Variants in CCDC171 observed in about 807,000 individuals in gnomAD.
The protein encoded by CCDC171 is coiled-coil domain containing 171.
In CCDC171, 177 loss-of-function variants were observed where a neutral mutation model predicts 168.2. The ratio of observed to expected loss-of-function variants is 1.05; its 90% CI spans 0.93 to 1.19. The LOEUF is 1.19. CCDC171 is among the 50% of genes most tolerant of loss of function. The probability of loss-of-function intolerance (pLI) is 0.00; values close to 1 mark genes in which losing one functional copy is unlikely to be tolerated. For missense variants in CCDC171, 1,991 were observed against 1,539.0 expected (o/e 1.29, Z -4.91); for synonymous variants, 687 against 540.8 (o/e 1.27, Z -3.75).
At chr9:15,908,333 T>G (rs1330601372) in intron 24 of CCDC171, among the ~76,000 whole-genome samples, 1 of 152,028 alleles carries the variant, frequency 6.6e-6, no homozygotes, top group African/African-American at 2.4e-5. Context: ...CCATAAAAAA[T>G]GATGAGTTCA....
rs146347372 is a variant in CCDC171, at chr9:15,750,974, G to C, written c.2671+5343G>C. On this transcript the variant is annotated intron_variant, in intron 18 of 25. Transcript: ENST00000380701. ...AAAGGGTATTCAGTTAGGAAAAGAG[G>C]AAATCAAATGGTCTCTGTTGGCAGG... is the stretch of plus-strand genomic sequence containing the variant. Among the ~76,000 whole-genome samples, 644 of 152,258 alleles carry C rather than the reference G, an allele frequency of 4.2e-3. 1 individual carries two copies. The highest frequency in any genetic ancestry group is 7.1e-3 in the Non-Finnish European group (483 of 68,012).
the CCDC171 span, among the ~76,000 whole-genome samples, chr9:16,098,278 A>G: frequency 6.6e-6 from 1 of 152,208 alleles, no homozygotes; most frequent in Non-Finnish European, 1.5e-5. Flanking sequence ...TCAAGCATGA[A>G]CATGTGCTTT....
At chr9:15,725,011 C>T in intron 14 of CCDC171, 35 bp downstream of exon 14, 2 of 1,474,074 alleles carry the variant, frequency 1.4e-6, no homozygotes, top group South Asian at 1.1e-5. Flanking sequence ...TCAGGAAGGG[C>T]CTTTCACTAA....
intron 6 of CCDC171, among the ~76,000 whole-genome samples, chr9:15,606,971 C>A (rs931977393): frequency 1.1e-4 from 17 of 152,096 alleles, no homozygotes; most frequent in African/African-American, 4.1e-4. Flanking sequence ...TGTTCTGTAA[C>A]AAAAATTTTA....
At chr9:16,000,693 T>C (rs1416658030) in intron 3 of CCDC171, among the ~76,000 whole-genome samples, 1 of 151,638 alleles carries the variant, frequency 6.6e-6, no homozygotes, top group Non-Finnish European at 1.5e-5. Flanking sequence ...ACCAAACCAC[T>C]CTGGAAATTT....
chr9:15,870,792 C>CT (rs59845671), intron 23 of CCDC171, among the ~76,000 whole-genome samples: 110,546 of 147,554 alleles, frequency 0.75, 42,799 homozygotes, highest in East Asian at 0.86. Flanking sequence ...GCAGAAATAG[C>CT]TTTTTTTTTT....
At chr9:15,936,471 G>C (rs919432379) in intron 25 of CCDC171, among the ~76,000 whole-genome samples, 1 of 151,938 alleles carries the variant, frequency 6.6e-6, no homozygotes, top group African/African-American at 2.4e-5. Context: ...TCTTGGCAGA[G>C]ACCCTTCATC....
intron 2 of CCDC171, among the ~76,000 whole-genome samples, chr9:15,570,122 A>C (rs1161681893): frequency 1.3e-5 from 2 of 152,026 alleles, no homozygotes; most frequent in Non-Finnish European, 2.9e-5. Context: ...AGCATGAGCC[A>C]CCACATCCAG....
At chr9:15,836,120 T>C (rs2060437367) in intron 21 of CCDC171, among the ~76,000 whole-genome samples, 1 of 152,188 alleles carries the variant, frequency 6.6e-6, no homozygotes, top group African/African-American at 2.4e-5. Context: ...TCCTGATGAC[T>C]TCATAGTTAT....
the CCDC171 span, among the ~76,000 whole-genome samples, chr9:16,100,893 C>T: frequency 1.3e-5 from 2 of 152,204 alleles, no homozygotes; most frequent in Non-Finnish European, 2.9e-5. Context: ...CACCCAAGCT[C>T]TCCTCTCCGA....
chr9:15,677,294 G>A (rs537895036), intron 9 of CCDC171, among the ~76,000 whole-genome samples: 5 of 151,992 alleles, frequency 3.3e-5, no homozygotes, highest in African/African-American at 9.7e-5. Context: ...CCTTTTACAC[G>A]TGTTTATTTT....
intron 4 of CCDC171, among the ~76,000 whole-genome samples, chr9:15,585,116 C>A (rs538072162): frequency 1.3e-5 from 2 of 152,232 alleles, no homozygotes; most frequent in Admixed American, 6.5e-5. Flanking sequence ...GGATATAGAG[C>A]AACAGGGACT....
chr9:15,599,414 G>C (rs975824005), intron 6 of CCDC171, among the ~76,000 whole-genome samples: 1 of 152,086 alleles, frequency 6.6e-6, no homozygotes, highest in Non-Finnish European at 1.5e-5. Flanking sequence ...ATGAAGCTTA[G>C]TTTGGCTGGA....
chr9:15,978,075 A>AGCTTTGGAACG (rs1205947479), downstream of CCDC171, among the ~76,000 whole-genome samples: 1 of 152,146 alleles, frequency 6.6e-6, no homozygotes, highest in Non-Finnish European at 1.5e-5. Context: ...GCACATGGAA[A>AGCTTTGGAACG]GCTTTGGAAC....
In CCDC171 at chr9:15,723,701, T is replaced by A; in HGVS notation, c.1446T>A (p.Leu482=). The change falls in exon 13 of 26, where the codon CTT becomes CTA. Residue 482 remains leucine (L), a synonymous_variant. Coordinates refer to ENST00000380701, the MANE Select transcript of CCDC171 (RefSeq NM_173550.4). ...ASNEEKACNE[L]DSTKQKIDSH... The stretch of plus-strand genomic sequence containing the variant: ...TTAAGGAAAAGGCATGTAATGAACT[T>A]GATTCTACGAAACAGAAGATAGACT... 1 of 1,592,958 alleles carries A rather than the reference T, an allele frequency of 6.3e-7. No homozygotes were observed. Among genetic ancestry groups the A allele is most frequent in the Non-Finnish European group, 8.6e-7 (1 of 1,166,902 alleles).
At chr9:15,901,212 C>A (rs1821603009) in intron 24 of CCDC171, among the ~76,000 whole-genome samples, 1 of 152,072 alleles carries the variant, frequency 6.6e-6, no homozygotes, top group South Asian at 2.1e-4. Flanking sequence ...GATGAATCTG[C>A]AGAACACAGG....
intron 24 of CCDC171, among the ~76,000 whole-genome samples, chr9:15,908,999 G>A (rs983591279): frequency 5.9e-5 from 9 of 152,172 alleles, no homozygotes; most frequent in African/African-American, 2.2e-4. Context: ...TCTTCCATTT[G>A]CATTACCTGT....
At chr9:15,792,375 T>A (rs2058313827) in intron 21 of CCDC171, among the ~76,000 whole-genome samples, 1 of 152,074 alleles carries the variant, frequency 6.6e-6, no homozygotes, top group Non-Finnish European at 1.5e-5. Context: ...ACGGGGAGAA[T>A]GGAACCAAGT....
chr9:15,668,087 G>T (rs1211748299), intron 9 of CCDC171, among the ~76,000 whole-genome samples: 1 of 152,076 alleles, frequency 6.6e-6, no homozygotes, highest in Admixed American at 6.5e-5. Context: ...GTAATGATTA[G>T]GACCTACAAG....
Sources: allele counts gnomAD v4.1 joint callset (sites outside exome capture counted in the v4.1 genomes callset), GRCh38; gene constraint gnomAD v4.1.1; transcripts MANE v1.5; gene names NCBI Gene and HGNC (gene_info 2026-07-23, HGNC 2026-07-21).